The following REEP1 variants were observed in gnomAD, a reference collection of about 807,000 sequenced individuals.
REEP1 encodes receptor accessory protein 1.
REEP1 carries 22 observed loss-of-function variants against 40.3 expected under a neutral mutation model. That is an observed-to-expected ratio of 0.55 (90% CI 0.39 to 0.78). The LOEUF (loss-of-function observed/expected upper bound fraction) is 0.78. REEP1 is among the 30% of genes least tolerant of loss of function. The probability of loss-of-function intolerance (pLI) is 0.00; values close to 1 mark genes in which losing one functional copy is unlikely to be tolerated. For synonymous variants in REEP1, 116 were observed against 139.2 expected, an observed-to-expected ratio of 0.83 and a Z score of 1.17; for missense variants, 280 against 361.1, an observed-to-expected ratio of 0.78 and a Z score of 1.82.
intron 1 of REEP1, among the ~76,000 whole-genome samples, chr2:86,322,534 C>T (rs1039069633): frequency 8.5e-5 from 13 of 152,196 alleles, no homozygotes; most frequent in African/African-American, 3.1e-4. Context: ...TACTCTTGAC[C>T]TCCTGGGTGC....
At chr2:86,334,391 C>T (rs1438948082) in intron 1 of REEP1, among the ~76,000 whole-genome samples, 10 of 152,250 alleles carry the variant, frequency 6.6e-5, no homozygotes, top group African/African-American at 1.2e-4. Flanking sequence ...TTATACAAAA[C>T]GTGACTCGCG....
At chr2:86,292,105 A>C (rs1407843094) in intron 1 of REEP1, among the ~76,000 whole-genome samples, 1 of 152,200 alleles carries the variant, frequency 6.6e-6, no homozygotes, top group African/African-American at 2.4e-5. Flanking sequence ...TTCAGACCTG[A>C]GTTTGAATCC....
chr2:86,302,599 T>G (rs1679300162), intron 1 of REEP1, among the ~76,000 whole-genome samples: 1 of 152,192 alleles, frequency 6.6e-6, no homozygotes, highest in African/African-American at 2.4e-5. Context: ...TGTCCAAAGC[T>G]GAAAATGATA....
At chr2:86,250,845 TTC>T (rs1384513333) in intron 5 of REEP1, among the ~76,000 whole-genome samples, 2 of 152,186 alleles carry the variant, frequency 1.3e-5, no homozygotes, top group East Asian at 3.8e-4. Flanking sequence ...CCTAATGTGC[TTC>T]TCTTTGGTTC....
intron 1 of REEP1, chr2:86,336,723 C>T (rs1681053677): frequency 6.6e-6 from 1 of 152,346 alleles, no homozygotes; most frequent in South Asian, 2.1e-4. Flanking sequence ...AGACCTCACC[C>T]TAGATGACTC....
Position 86,216,784 on chromosome 2 carries a change from A to G in REEP1, c.*255T>C. ...TATAATGACAATCCAATTGTGGAAA[A>G]TTACCAACCTCAGAAGACTTAAAGG... On this transcript the variant is annotated 3_prime_UTR_variant, in exon 9 of 9. Transcript: ENST00000538924. 2.2e-6 allele frequency: 1 copy of G among 465,114 alleles called. No homozygotes were observed. The highest frequency in any genetic ancestry group is 3.9e-6 in the Non-Finnish European group (1 of 255,038). 28.8% of individuals were successfully genotyped at this position (465,114 alleles called of 1,614,324 possible).
At chr2:86,270,171 TTTTGTTTGTTTG>T (rs199623683) in intron 2 of REEP1, among the ~76,000 whole-genome samples, 99 of 109,256 alleles carry the variant, frequency 9.1e-4, no homozygotes, top group Middle Eastern at 4.4e-3. Flanking sequence ...ATCATTTTTC[TTTTGTTTGTTTG>T]TTTGTTTGTT....
rs1043878324 is a variant in REEP1, at chr2:86,307,486, G to A, written c.33-25244C>T. Reference sequence around the variant, plus strand: ...CCATTAAGAATGATATTTAGGGCTGGGTGCAGTGGCTCATGCCTCTAATCC... The same window carrying A: ...CCATTAAGAATGATATTTAGGGCTGAGTGCAGTGGCTCATGCCTCTAATCC... On this transcript the variant is annotated intron_variant, in intron 1 of 8. Coordinates refer to ENST00000538924, the MANE Select transcript of REEP1 (RefSeq NM_001371279.1). Among the ~76,000 whole-genome samples, 5 of 152,164 alleles carry A rather than the reference G, an allele frequency of 3.3e-5. No individual in the cohort carries two copies. In the South Asian group the frequency reaches 1.0e-3, roughly 32 times the overall value.
chr2:86,257,659 C>T (rs6705366), intron 3 of REEP1, among the ~76,000 whole-genome samples: 62,129 of 144,106 alleles, frequency 0.43, 14,505 homozygotes, highest in East Asian at 0.65. Context: ...TTTTTTGAGA[C>T]AGAGTTTCAC....
At chr2:86,336,739 T>G (rs2104559120) in intron 1 of REEP1, 1 of 152,308 alleles carries the variant, frequency 6.6e-6, no homozygotes. Context: ...GACTCTGCGC[T>G]CTCCTGCAAG....
intron 1 of REEP1, among the ~76,000 whole-genome samples, chr2:86,290,839 T>G (rs1430904279): frequency 6.6e-6 from 1 of 152,170 alleles, no homozygotes; most frequent in Non-Finnish European, 1.5e-5. Context: ...AGCAAACCAC[T>G]TGGGCTTTGG....
intron 1 of REEP1, among the ~76,000 whole-genome samples, chr2:86,306,980 G>A (rs868819868): frequency 2.0e-4 from 30 of 151,910 alleles, no homozygotes; most frequent in South Asian, 6.2e-4. Context: ...TGAGGTGGGC[G>A]GATCACCTGA....
intron 1 of REEP1, among the ~76,000 whole-genome samples, chr2:86,284,218 C>T (rs1678258682): frequency 6.6e-6 from 1 of 152,082 alleles, no homozygotes; most frequent in African/African-American, 2.4e-5. Context: ...CTCGGGGAGG[C>T]CTTTCCTGAC....
chr2:86,278,656 G>C (rs35807694), intron 2 of REEP1, among the ~76,000 whole-genome samples: 1 of 152,118 alleles, frequency 6.6e-6, no homozygotes, highest in Non-Finnish European at 1.5e-5. Flanking sequence ...ATCTTTGTGG[G>C]AGGAAAGTCC....
chr2:86,280,176 T>A (rs553657657), intron 2 of REEP1: 1 of 388,478 alleles, frequency 2.6e-6, no homozygotes, highest in Admixed American at 3.2e-5. Flanking sequence ...AACACAGGAG[T>A]GTGAGTGCAG....
chr2:86,215,524 C>A lies in REEP1; in HGVS notation c.*1515G>T, dbSNP rs1463268046. ...TAATTCTCTAGTCTTCTGGGCATATCTACGAACAAATACAATCCAAATATT... is the reference window on the plus strand; with the variant it reads ...TAATTCTCTAGTCTTCTGGGCATATATACGAACAAATACAATCCAAATATT... On this transcript the variant is annotated 3_prime_UTR_variant, in exon 9 of 9. Coordinates refer to ENST00000538924, the MANE Select transcript of REEP1 (RefSeq NM_001371279.1). 2 of 152,574 alleles carry A rather than the reference C, an allele frequency of 1.3e-5. No individual in the cohort carries two copies. The highest frequency in any genetic ancestry group is 2.9e-5 in the Non-Finnish European group (2 of 68,032). The allele number at this position is 152,574 out of a possible 1,614,324, so 9.5% of individuals were successfully genotyped here. A position where few individuals can be genotyped will look rare whatever the true frequency, so the allele number is the denominator to read the frequency against.
Position 86,219,952 on chromosome 2 carries a change from G to A in REEP1, c.783+18C>T. 1.6e-6 allele frequency: 2 copies of A among 1,232,026 alleles called. No individual in the cohort carries two copies. Among genetic ancestry groups the A allele is most frequent in the Non-Finnish European group, 2.0e-6 (2 of 987,942 alleles). 76.3% of individuals were successfully genotyped at this position (1,232,026 alleles called of 1,614,324 possible). On this transcript the variant is annotated intron_variant, in intron 8 of 8. Coordinates refer to ENST00000538924, the MANE Select transcript of REEP1 (RefSeq NM_001371279.1). Reference sequence around the variant, plus strand: ...TTGGACAAACACACTCCAACCCACAGCCCCAGACACTGTGTACCTCCAGGG... The same window carrying A: ...TTGGACAAACACACTCCAACCCACAACCCCAGACACTGTGTACCTCCAGGG...
chr2:86,273,305 G>T (rs1325576667), intron 2 of REEP1, among the ~76,000 whole-genome samples: 1 of 149,590 alleles, frequency 6.7e-6, no homozygotes, highest in African/African-American at 2.5e-5. Flanking sequence ...TTTTTGAGGG[G>T]GACAGGGTCT....
chr2:86,277,577 A>G (rs934096594), intron 2 of REEP1, among the ~76,000 whole-genome samples: 21 of 151,628 alleles, frequency 1.4e-4, no homozygotes, highest in African/African-American at 4.8e-5. Context: ...AAAAAAGTCA[A>G]TGGGTCATTA....
Sources: gnomAD v4.1 joint callset for allele counts (sites outside exome capture counted in the v4.1 genomes callset) on GRCh38, gnomAD v4.1.1 for gene constraint, MANE v1.5 for transcripts, NCBI Gene and HGNC (gene_info 2026-07-23, HGNC 2026-07-21) for gene names.